Variants in EFCAB5 observed in about 807,000 individuals in gnomAD.
EFCAB5 encodes the protein EF-hand calcium-binding domain-containing protein 5.
In EFCAB5, 131 loss-of-function variants were observed where a neutral mutation model predicts 167.9. The ratio of observed to expected loss-of-function variants is 0.78; its 90% CI spans 0.68 to 0.90. The LOEUF (loss-of-function observed/expected upper bound fraction) is 0.90. Ranked by LOEUF, EFCAB5 falls within the 40% of genes least tolerant of loss-of-function variation. The probability of loss-of-function intolerance (pLI) is 0.00; values close to 1 mark genes in which losing one functional copy is unlikely to be tolerated. For missense variants in EFCAB5, 1,663 were observed against 1,745.2 expected (o/e 0.95, Z 0.84); for synonymous variants, 574 against 602.8 (o/e 0.95, Z 0.70).
intron 7 of EFCAB5, among the ~76,000 whole-genome samples, chr17:30,020,942 G>GTAATAAAGGTTACACTAGAAGA (rs71138867): frequency 0.62 from 93,843 of 151,826 alleles, 31,298 homozygotes; most frequent in African/African-American, 0.88. Flanking sequence ...ACAAATTATT[G>GTAATAAAGGTTACACTAGAAGA]TATCAGCATG....
chr17:30,019,667 A>G (rs545239543), intron 7 of EFCAB5, among the ~76,000 whole-genome samples: 31 of 151,962 alleles, frequency 2.0e-4, no homozygotes, highest in Middle Eastern at 3.4e-3. Flanking sequence ...GCCGGTCTTG[A>G]ACTCCTGACC....
intron 22 of EFCAB5, among the ~76,000 whole-genome samples, chr17:30,105,865 C>T (rs546646103): frequency 6.6e-5 from 10 of 152,198 alleles, no homozygotes; most frequent in African/African-American, 1.7e-4. Context: ...ATTGGATCCA[C>T]GCTTTAAAGT....
intron 3 of EFCAB5, 28 bp downstream of exon 3, chr17:29,943,677 A>G (rs1371104060): frequency 1.3e-6 from 2 of 1,543,946 alleles, no homozygotes; most frequent in African/African-American, 1.4e-5. Context: ...CTCTTATACA[A>G]TAGAATCTAA....
At chr17:30,027,964 T>C (rs898390803) in intron 7 of EFCAB5, among the ~76,000 whole-genome samples, 8 of 152,210 alleles carry the variant, frequency 5.3e-5, no homozygotes, top group African/African-American at 1.9e-4. Flanking sequence ...CACTCCTGAA[T>C]CATATAATGG....
intron 8 of EFCAB5, among the ~76,000 whole-genome samples, chr17:30,040,935 C>A (rs1316276113): frequency 6.6e-6 from 1 of 152,170 alleles, no homozygotes; most frequent in East Asian, 1.9e-4. Flanking sequence ...TCCTCTCATT[C>A]TCTGTTCTTC....
Position 30,057,660 on chromosome 17 carries a change from G to A in EFCAB5, c.2366-16G>A, listed in dbSNP as rs940836350. The A allele has an allele frequency of 2.5e-6, 4 of 1,604,220 alleles. No homozygotes were observed. The highest frequency in any genetic ancestry group is 3.4e-6 in the Non-Finnish European group (4 of 1,172,400). On this transcript the variant is annotated splice_polypyrimidine_tract_variant and intron_variant, in intron 12 of 22. Transcript: ENST00000394835. ...ATTGTTCACTTTACTGCTTGGTAAT[G>A]TTTCTTGCTTGACAGATTTACACTC...
chr17:30,056,642 C>G (rs1446751668), intron 12 of EFCAB5, among the ~76,000 whole-genome samples: 1 of 152,170 alleles, frequency 6.6e-6, no homozygotes. Context: ...CAAAGCATGT[C>G]TTTAAAATGA....
chr17:30,059,427 C>A, intron 13 of EFCAB5, 118 bp from the exon 14 acceptor site: 3 of 1,137,062 alleles, frequency 2.6e-6, no homozygotes, highest in South Asian at 4.1e-5. Context: ...TCATGCTTAG[C>A]CTCAAAGTAA....
chr17:30,029,654 T>C (rs1422900494), intron 7 of EFCAB5, among the ~76,000 whole-genome samples: 1 of 152,138 alleles, frequency 6.6e-6, no homozygotes, highest in Non-Finnish European at 1.5e-5. Flanking sequence ...CAGTGATAGA[T>C]AACAAATATA....
chr17:30,087,011 A>G (rs2071101870), intron 18 of EFCAB5, 52 bp from the exon 19 acceptor site: 3 of 1,525,568 alleles, frequency 2.0e-6, no homozygotes, highest in Non-Finnish European at 2.7e-6. Context: ...AAAAGCTTTA[A>G]TGAGAATATG....
chr17:29,965,887 A>G (rs2067817889), intron 3 of EFCAB5, among the ~76,000 whole-genome samples: 1 of 152,102 alleles, frequency 6.6e-6, no homozygotes, highest in East Asian at 1.9e-4. Flanking sequence ...GATATTTTAA[A>G]TTTTTGTTGC....
At chr17:30,050,946 A>C (rs1229828444) in intron 8 of EFCAB5, among the ~76,000 whole-genome samples, 172 bp from the exon 9 acceptor site, 1 of 152,234 alleles carries the variant, frequency 6.6e-6, no homozygotes, top group African/African-American at 2.4e-5. Flanking sequence ...AGTAGAGTAT[A>C]AGCCTAAAGG....
At chr17:30,104,800 A>G (rs2071426779) in intron 22 of EFCAB5, among the ~76,000 whole-genome samples, 1 of 152,130 alleles carries the variant, frequency 6.6e-6, no homozygotes, top group Admixed American at 6.5e-5. Context: ...AACAGGAACC[A>G]CCGTCCAGAC....
At chr17:30,057,171 A>G (rs1014981406) in intron 12 of EFCAB5, among the ~76,000 whole-genome samples, 2 of 152,194 alleles carry the variant, frequency 1.3e-5, no homozygotes, top group African/African-American at 2.4e-5. Flanking sequence ...AGGCACAACT[A>G]GATTCAAAGG....
At chr17:30,002,492 T>C (rs1270144820) in intron 7 of EFCAB5, among the ~76,000 whole-genome samples, 1 of 152,218 alleles carries the variant, frequency 6.6e-6, no homozygotes. Flanking sequence ...TTACCTTCCT[T>C]TAAGTCATTT....
intron 7 of EFCAB5, among the ~76,000 whole-genome samples, chr17:30,031,277 T>C (rs1453899806): frequency 6.6e-6 from 1 of 151,924 alleles, no homozygotes; most frequent in African/African-American, 2.4e-5. Context: ...TATTGGGCCC[T>C]ACTCCCAGAA....
Position 30,074,932 on chromosome 17 carries a change from A to G in EFCAB5, c.2738-3283A>G, listed in dbSNP as rs529484308. On this transcript the variant is annotated intron_variant, in intron 14 of 22. Transcript: ENST00000394835. ...CTCAGATTTCTCAGTGGACAGATGT[A>G]GAAACTGTGTGTGTGTGTGCGTGCA... Among the ~76,000 whole-genome samples, 8 of 152,250 alleles carry G rather than the reference A, an allele frequency of 5.3e-5. No homozygotes were observed. In the South Asian group the frequency reaches 1.7e-3, roughly 32 times the overall value.
intron 3 of EFCAB5, among the ~76,000 whole-genome samples, chr17:29,960,030 C>T (rs111499078): frequency 0.083 from 12,669 of 152,222 alleles, 1,162 homozygotes; most frequent in African/African-American, 0.23. Context: ...AAATTCCCCT[C>T]TGGCCAGGGC....
intron 8 of EFCAB5, among the ~76,000 whole-genome samples, chr17:30,050,261 A>T (rs921555246): frequency 6.6e-6 from 1 of 151,658 alleles, no homozygotes; most frequent in African/African-American, 2.4e-5. Flanking sequence ...CAGCCTCCCG[A>T]GTAGCTGGGA....
Sources: allele counts gnomAD v4.1 joint callset (sites outside exome capture counted in the v4.1 genomes callset), GRCh38; gene constraint gnomAD v4.1.1; transcripts MANE v1.5; gene names NCBI Gene and HGNC (gene_info 2026-07-23, HGNC 2026-07-21).